POT1: variants seen among roughly 807,000 people sequenced by gnomAD.
The protein encoded by POT1 is protection of telomeres 1.
A neutral mutation model predicts 78.5 loss-of-function variants in POT1; 47 were observed. The observed-to-expected ratio is 0.60, with a 90% CI of 0.47 to 0.76. POT1 has a LOEUF of 0.76. Among genes scored for constraint, POT1 ranks in the 30% least tolerant of loss-of-function variants. The pLI is 0.00. For missense variants in POT1, 646 were observed against 749.9 expected (o/e 0.86, Z 1.62); for synonymous variants, 259 against 260.7 (o/e 0.99, Z 0.06).
chr7:124,871,911 T>C (rs996350853), intron 6 of POT1, among the ~76,000 whole-genome samples: 3 of 152,118 alleles, frequency 2.0e-5, no homozygotes, highest in African/African-American at 7.2e-5. Flanking sequence ...TTAGCATTTT[T>C]CAAGAATGCA....
intron 11 of POT1, among the ~76,000 whole-genome samples, chr7:124,848,161 T>C (rs1217016764): frequency 6.6e-6 from 1 of 152,138 alleles, no homozygotes; most frequent in Non-Finnish European, 1.5e-5. Flanking sequence ...CTAGAGGGAT[T>C]TGGGTTACAC....
intron 2 of POT1, among the ~76,000 whole-genome samples, chr7:124,922,896 TA>T (rs1277568617): frequency 6.6e-6 from 1 of 151,396 alleles, no homozygotes; most frequent in East Asian, 1.9e-4. Context: ...AAACCATAAG[TA>T]AGTTGAAAAA....
intron 3 of POT1, among the ~76,000 whole-genome samples, chr7:124,912,647 G>A (rs1445706572): frequency 6.6e-6 from 1 of 151,976 alleles, no homozygotes; most frequent in African/African-American, 2.4e-5. Context: ...TTGGCTCATC[G>A]GTGTCTAGGA....
intron 3 of POT1, among the ~76,000 whole-genome samples, chr7:124,908,242 C>T (rs1422098110): frequency 2.0e-5 from 3 of 151,910 alleles, no homozygotes; most frequent in Non-Finnish European, 4.4e-5. Flanking sequence ...GACCTGACGG[C>T]GTTGATAGTG....
At chr7:124,915,240 AGT>A (rs1796989150) in intron 3 of POT1, among the ~76,000 whole-genome samples, 1 of 152,152 alleles carries the variant, frequency 6.6e-6, no homozygotes, top group Non-Finnish European at 1.5e-5. Context: ...TTTGTCCCTA[AGT>A]GTTACAAAGT....
intron 14 of POT1, among the ~76,000 whole-genome samples, chr7:124,836,833 G>C (rs1432093253): frequency 6.6e-6 from 1 of 152,206 alleles, no homozygotes; most frequent in Non-Finnish European, 1.5e-5. Flanking sequence ...ATATTTTAGT[G>C]ATTTCCTCTT....
intron 6 of POT1, among the ~76,000 whole-genome samples, chr7:124,871,887 TAAC>T (rs1795879999): frequency 6.6e-6 from 1 of 152,110 alleles, no homozygotes; most frequent in Admixed American, 6.6e-5. Flanking sequence ...CGAGAACACT[TAAC>T]ATCCATTTTC....
intron 3 of POT1, among the ~76,000 whole-genome samples, chr7:124,901,900 T>G (rs546002399): frequency 6.6e-6 from 1 of 152,088 alleles, no homozygotes; most frequent in Non-Finnish European, 1.5e-5. Flanking sequence ...AGTAGTTGAT[T>G]GGATCAAGTG....
chr7:124,826,678 C>A (rs1257853141), intron 17 of POT1, among the ~76,000 whole-genome samples: 1 of 152,128 alleles, frequency 6.6e-6, no homozygotes, highest in Non-Finnish European at 1.5e-5. Context: ...CAAGACCAGC[C>A]TGGCCAAGAT....
At chr7:124,897,518 T>C (rs905551228) in intron 4 of POT1, among the ~76,000 whole-genome samples, 2 of 151,936 alleles carry the variant, frequency 1.3e-5, no homozygotes, top group African/African-American at 4.8e-5. Context: ...GGATAGAATG[T>C]AAAAGAATGC....
intron 11 of POT1, among the ~76,000 whole-genome samples, chr7:124,851,592 T>A (rs1307230889): frequency 6.6e-6 from 1 of 152,222 alleles, no homozygotes; most frequent in Non-Finnish European, 1.5e-5. Flanking sequence ...CAAAATAGTC[T>A]ATGAAATCAA....
At chr7:124,876,778 A>C (rs560777147) in intron 6 of POT1, among the ~76,000 whole-genome samples, 16 of 152,168 alleles carry the variant, frequency 1.1e-4, no homozygotes, top group Non-Finnish European at 2.2e-4. Flanking sequence ...CAGCAAATAC[A>C]TACTCTGTAA....
At chr7:124,885,204 C>A (rs952657547) in intron 6 of POT1, among the ~76,000 whole-genome samples, 3 of 148,422 alleles carry the variant, frequency 2.0e-5, no homozygotes, top group Admixed American at 1.4e-4. Flanking sequence ...ACCGGTAATC[C>A]CAGCACTTTG....
At chr7:124,844,732 C>CAA (rs33956452) in intron 12 of POT1, among the ~76,000 whole-genome samples, 41 of 62,842 alleles carry the variant, frequency 6.5e-4, no homozygotes, top group African/African-American at 1.3e-3. Context: ...GACTCCGCCT[C>CAA]AAAAAAAAAA....
chr7:124,882,114 T>C lies in POT1; in HGVS notation c.124+10152A>G, dbSNP rs145164589. On this transcript the variant is annotated intron_variant, in intron 6 of 18. Coordinates refer to ENST00000357628, the MANE Select transcript of POT1 (RefSeq NM_015450.3). Reference sequence around the variant, plus strand: ...TGTAAATTGCCTTGGAGTTTTATTATAAGGGAGAGCTGGTAGTTCATCTTA... The same window carrying C: ...TGTAAATTGCCTTGGAGTTTTATTACAAGGGAGAGCTGGTAGTTCATCTTA... Among the ~76,000 whole-genome samples, 76 of 152,110 alleles carry C rather than the reference T, an allele frequency of 5.0e-4. 1 individual carries two copies. The East Asian group carries it at 0.015, about 29-fold the overall frequency.
intron 8 of POT1, among the ~76,000 whole-genome samples, chr7:124,860,119 A>G (rs1163056525): frequency 6.6e-6 from 1 of 151,994 alleles, no homozygotes; most frequent in Non-Finnish European, 1.5e-5. Flanking sequence ...ATTATTTCTG[A>G]TACATAAGAA....
intron 15 of POT1, among the ~76,000 whole-genome samples, chr7:124,833,637 T>A (rs1446638882): frequency 6.6e-6 from 1 of 152,190 alleles, no homozygotes; most frequent in Admixed American, 6.6e-5. Context: ...TGAAATTGAA[T>A]CACTTAATTT....
chr7:124,859,177 T>G (rs1795523779), intron 8 of POT1, 65 bp from the exon 9 acceptor site: 2 of 1,297,038 alleles, frequency 1.5e-6, no homozygotes, highest in African/African-American at 3.0e-5. Flanking sequence ...AAAAAGTTTT[T>G]TCCTGGAAAC....
At position 124,916,420 on chromosome 7, in the gene POT1, T is replaced by C. The variant is rs183578706; in HGVS notation, c.-226-774A>G. Among the ~76,000 whole-genome samples, 3 of 152,192 alleles carry C rather than the reference T, an allele frequency of 2.0e-5. No individual in the cohort carries two copies. The East Asian group carries it at 5.8e-4, about 29-fold the overall frequency. ...AGAAAGCTGAAAAAAGTGTCAACAA[T>C]AAAAAGTTAATCTGTAAATCTCAGA... is the stretch of plus-strand genomic sequence containing the variant. On this transcript the variant is annotated intron_variant, in intron 2 of 18. Coordinates refer to ENST00000357628, the MANE Select transcript of POT1 (RefSeq NM_015450.3).
Sources: allele counts gnomAD v4.1 joint callset (sites outside exome capture counted in the v4.1 genomes callset), GRCh38; gene constraint gnomAD v4.1.1; transcripts MANE v1.5; gene names NCBI Gene and HGNC (gene_info 2026-07-23, HGNC 2026-07-21).